Variants in SSH2 observed in about 807,000 individuals in gnomAD.
SSH2 encodes slingshot protein phosphatase 2, also known as protein phosphatase Slingshot homolog 2.
SSH2 carries 37 observed loss-of-function variants against 135.2 expected under a neutral mutation model. The ratio of observed to expected loss-of-function variants is 0.27; its 90% CI spans 0.21 to 0.36. The LOEUF (loss-of-function observed/expected upper bound fraction) is 0.36. SSH2 is among the 10% of genes least tolerant of loss of function. The pLI is 1.00. For synonymous variants in SSH2, 628 were observed against 646.2 expected (o/e 0.97, Z 0.43); for missense variants, 1,408 against 1,765.3 (o/e 0.80, Z 3.63).
At chr17:29,674,018 A>G (rs2037604127) in intron 8 of SSH2, 2 of 452,306 alleles carry the variant, frequency 4.4e-6, no homozygotes, top group South Asian at 3.1e-5. Flanking sequence ...CTTAGAGTAA[A>G]TCCATAGAAA....
At chr17:29,772,546 C>T (rs2041610429) in intron 3 of SSH2, among the ~76,000 whole-genome samples, 1 of 152,168 alleles carries the variant, frequency 6.6e-6, no homozygotes, top group African/African-American at 2.4e-5. Context: ...AAAATACCTA[C>T]AGAACTGGTA....
chr17:29,779,130 G>A (rs1173778058), intron 3 of SSH2, among the ~76,000 whole-genome samples: 3 of 151,924 alleles, frequency 2.0e-5, no homozygotes, highest in Non-Finnish European at 4.4e-5. Context: ...GAAGGAGGGA[G>A]GGAGGAAGGA....
chr17:29,866,153 A>T (rs1186573967), intron 1 of SSH2: 1 of 152,208 alleles, frequency 6.6e-6, no homozygotes, highest in East Asian at 1.9e-4. Flanking sequence ...AGGAGACTAT[A>T]TGCTGGAAGA....
intron 8 of SSH2, among the ~76,000 whole-genome samples, chr17:29,673,711 G>A (rs558753094): frequency 5.6e-4 from 85 of 152,202 alleles, no homozygotes; most frequent in African/African-American, 1.1e-3. Flanking sequence ...AGATTTTAGC[G>A]TAGATCTTTC....
chr17:29,730,423 G>A (rs2151185376), intron 3 of SSH2, among the ~76,000 whole-genome samples: 1 of 148,702 alleles, frequency 6.7e-6, no homozygotes, highest in East Asian at 1.9e-4. Context: ...TTACCCTGAT[G>A]TGATTTGACT....
intron 3 of SSH2, chr17:29,716,680 GT>G: frequency 1.6e-6 from 1 of 631,754 alleles, no homozygotes; most frequent in South Asian, 1.4e-5. Flanking sequence ...TTCCCTTTGT[GT>G]TTGTTTTTGG....
At chr17:29,884,338 C>T (rs1232139544) in intron 1 of SSH2, among the ~76,000 whole-genome samples, 2 of 152,190 alleles carry the variant, frequency 1.3e-5, no homozygotes, top group Admixed American at 1.3e-4. Context: ...TACTGGTCTT[C>T]CACAAATTGC....
In SSH2 at chr17:29,880,574, G is replaced by A. The variant is rs150849017; in HGVS notation, c.64-31645C>T. Among the ~76,000 whole-genome samples the A allele has an allele frequency of 6.6e-3, 998 of 152,270 alleles. 6 individuals are homozygous for A. The highest frequency in any genetic ancestry group is 0.023 in the African/African-American group (957 of 41,554). On this transcript the variant is annotated intron_variant, in intron 1 of 15. Transcript: ENST00000540801. ...TTTTTAGACAAGAGAGATACACAGA[G>A]ACTCCAACAATTCCCTAAGTCTTAT...
At chr17:29,917,163 C>T (rs1599192622) in intron 1 of SSH2, among the ~76,000 whole-genome samples, 1 of 151,972 alleles carries the variant, frequency 6.6e-6, no homozygotes, top group East Asian at 1.9e-4. Flanking sequence ...AATCTGGCTG[C>T]CATGTCTTAG....
chr17:29,916,475 T>A (rs1170905988), intron 1 of SSH2, among the ~76,000 whole-genome samples: 2 of 151,244 alleles, frequency 1.3e-5, no homozygotes, highest in Non-Finnish European at 3.0e-5. Context: ...CTTTCTTTTT[T>A]TTTTTTTTTG....
chr17:29,676,365 G>A (rs1353285253), intron 8 of SSH2: 1 of 155,292 alleles, frequency 6.4e-6, no homozygotes, highest in African/African-American at 2.4e-5. Context: ...GAACCCGGGA[G>A]GCGGAGGTTG....
intron 3 of SSH2, among the ~76,000 whole-genome samples, chr17:29,763,714 G>A (rs921119251): frequency 1.1e-4 from 16 of 152,142 alleles, no homozygotes; most frequent in Admixed American, 8.5e-4. Flanking sequence ...AAATGCCAGA[G>A]ATAAAGATTT....
At chr17:29,684,271 C>T (rs958268165) in intron 6 of SSH2, among the ~76,000 whole-genome samples, 1 of 152,060 alleles carries the variant, frequency 6.6e-6, no homozygotes, top group East Asian at 1.9e-4. Context: ...CACTTGAGGT[C>T]AGGAGTTTGA....
At chr17:29,843,822 C>T (rs1437759426) in intron 2 of SSH2, among the ~76,000 whole-genome samples, 1 of 152,046 alleles carries the variant, frequency 6.6e-6, no homozygotes, top group Non-Finnish European at 1.5e-5. Flanking sequence ...TCATCTTGAA[C>T]TTACTATTAG....
At chr17:29,817,462 A>C (rs953725332) in intron 2 of SSH2, among the ~76,000 whole-genome samples, 1 of 152,196 alleles carries the variant, frequency 6.6e-6, no homozygotes, top group Non-Finnish European at 1.5e-5. Flanking sequence ...TTTTCAATAC[A>C]ATCCTTTCCT....
intron 4 of SSH2, among the ~76,000 whole-genome samples, chr17:29,702,681 C>A (rs985093352): frequency 6.6e-6 from 1 of 152,134 alleles, no homozygotes; most frequent in South Asian, 2.1e-4. Flanking sequence ...ACAAAACAAC[C>A]CCAATCTTAA....
chr17:29,783,237 A>C (rs151074328), intron 3 of SSH2, among the ~76,000 whole-genome samples: 178 of 149,174 alleles, frequency 1.2e-3, no homozygotes, highest in African/African-American at 4.1e-3. Flanking sequence ...AGGGTTCTCT[A>C]TAGGGACAGA....
intron 1 of SSH2, among the ~76,000 whole-genome samples, chr17:29,899,818 T>C (rs558545599): frequency 1.3e-5 from 2 of 152,102 alleles, no homozygotes; most frequent in Non-Finnish European, 2.9e-5. Flanking sequence ...GAGCCCACAT[T>C]GCCAAGTCAA....
chr17:29,749,583 G>A (rs192643491), intron 3 of SSH2, among the ~76,000 whole-genome samples: 22 of 152,322 alleles, frequency 1.4e-4, no homozygotes, highest in African/African-American at 4.6e-4. Context: ...ACAATCAATG[G>A]AGCTTGCAGG....
Sources: gnomAD v4.1 joint callset for allele counts (sites outside exome capture counted in the v4.1 genomes callset) on GRCh38, gnomAD v4.1.1 for gene constraint, MANE v1.5 for transcripts, NCBI Gene and HGNC (gene_info 2026-07-23, HGNC 2026-07-21) for gene names.